Variants in ATXN1 observed in about 807,000 individuals in gnomAD.
The protein encoded by ATXN1 is ataxin 1.
Under a neutral mutation model 56.4 loss-of-function variants are expected in ATXN1, and 8 were observed. The observed-to-expected ratio is 0.14, with a 90% CI of 0.08 to 0.26. The LOEUF (loss-of-function observed/expected upper bound fraction) is 0.26. ATXN1 is among the 10% of genes least tolerant of loss of function. The probability of loss-of-function intolerance (pLI) is 1.00; values close to 1 mark genes in which losing one functional copy is unlikely to be tolerated. For missense variants in ATXN1, 987 were observed against 1,106.5 expected, an observed-to-expected ratio of 0.89 and a Z score of 1.53; for synonymous variants, 514 against 494.6, an observed-to-expected ratio of 1.04 and a Z score of -0.52.
chr6:16,747,179 C>A (rs1188445803), intron 2 of ATXN1, among the ~76,000 whole-genome samples: 2 of 152,092 alleles, frequency 1.3e-5, no homozygotes, highest in Admixed American at 6.5e-5. Flanking sequence ...TAAAAAGAAG[C>A]CTGGTTTTGA....
chr6:16,684,407 CAT>C (rs1194516796), intron 2 of ATXN1, among the ~76,000 whole-genome samples: 1 of 152,140 alleles, frequency 6.6e-6, no homozygotes, highest in African/African-American at 2.4e-5. Flanking sequence ...GCTGTTGTAA[CAT>C]AAAGATTCTC....
At chr6:16,612,020 C>T (rs969647834) in intron 3 of ATXN1, among the ~76,000 whole-genome samples, 5 of 151,656 alleles carry the variant, frequency 3.3e-5, no homozygotes, top group South Asian at 2.1e-4. Flanking sequence ...CCACCACACC[C>T]GGCTAATTTT....
rs1005766597 is a variant in ATXN1 at position 16,445,970 on chromosome 6, G to A, written c.-161+40002C>T. Among the ~76,000 whole-genome samples, 61 of 152,118 alleles carry A rather than the reference G, an allele frequency of 4.0e-4. 1 individual carries two copies. The highest frequency in any genetic ancestry group is 2.9e-4 in the Non-Finnish European group (20 of 67,988). ...CCAAGTCTTTGCTATTGTGAATAGT[G>A]CCGCCATAAACATACATGTGCATGT... On this transcript the variant is annotated intron_variant, in intron 6 of 7. Transcript: ENST00000436367.
In ATXN1 at chr6:16,471,821, A is replaced by G. The variant is rs532813476; in HGVS notation, c.-161+14151T>C. On this transcript the variant is annotated intron_variant, in intron 6 of 7. Coordinates refer to ENST00000436367, the MANE Select transcript of ATXN1 (RefSeq NM_001128164.2). ...AAGGTAGCCTATTTTTCTTTATAAG[A>G]CACTCGGAATACCTAACAGGCCTTA... is the stretch of plus-strand genomic sequence containing the variant. Among the ~76,000 whole-genome samples the G allele has an allele frequency of 1.2e-4, 19 of 152,218 alleles. No homozygotes were observed. In the South Asian group the frequency reaches 4.0e-3, roughly 32 times the overall value.
intron 5 of ATXN1, among the ~76,000 whole-genome samples, chr6:16,511,202 G>C (rs1761076017): frequency 6.6e-6 from 1 of 152,066 alleles, no homozygotes; most frequent in Non-Finnish European, 1.5e-5. Flanking sequence ...GCTTAATTTA[G>C]TTAGGGAGAG....
At chr6:16,701,267 G>C (rs1759277611) in intron 2 of ATXN1, among the ~76,000 whole-genome samples, 1 of 152,218 alleles carries the variant, frequency 6.6e-6, no homozygotes, top group Non-Finnish European at 1.5e-5. Flanking sequence ...CTAGCCCAGG[G>C]AATGGCGCTC....
chr6:16,385,344 A>G (rs1308315426), intron 6 of ATXN1, among the ~76,000 whole-genome samples: 1 of 152,222 alleles, frequency 6.6e-6, no homozygotes, highest in Non-Finnish European at 1.5e-5. Flanking sequence ...ACCAGGTTCT[A>G]CAGGCAAGGC....
chr6:16,580,372 T>C (rs1762506740), intron 4 of ATXN1, among the ~76,000 whole-genome samples: 1 of 152,242 alleles, frequency 6.6e-6, no homozygotes. Flanking sequence ...CATAGAATAC[T>C]GTCATTTTGA....
intron 2 of ATXN1, among the ~76,000 whole-genome samples, chr6:16,749,628 C>T (rs1254114858): frequency 1.3e-5 from 2 of 152,122 alleles, no homozygotes; most frequent in African/African-American, 2.4e-5. Context: ...ACTCCTCCAG[C>T]CACCCAGCCT....
In ATXN1 at chr6:16,304,422, C is replaced by T. The variant is rs962828648; in HGVS notation, c.*1907G>A. 4.0e-5 allele frequency: 6 copies of T among 150,860 alleles called. No homozygotes were observed. The highest frequency in any genetic ancestry group is 9.8e-5 in the African/African-American group (4 of 40,834). 9.3% of individuals were successfully genotyped at this position (150,860 alleles called of 1,614,324 possible). On this transcript the variant is annotated 3_prime_UTR_variant, in exon 8 of 8. Transcript: ENST00000436367. ...TGGGTTTGTACCAAACATTAAATCT[C>T]GATTTGATTTTGAATAGAAAAAAAA...
At chr6:16,742,744 CAGA>C (rs1422197640) in intron 2 of ATXN1, among the ~76,000 whole-genome samples, 1 of 152,196 alleles carries the variant, frequency 6.6e-6, no homozygotes, top group African/African-American at 2.4e-5. Context: ...CAAAAGGGCA[CAGA>C]TAAGATTAGA....
At chr6:16,645,146 C>T (rs1273077242) in intron 3 of ATXN1, among the ~76,000 whole-genome samples, 4 of 152,150 alleles carry the variant, frequency 2.6e-5, no homozygotes, top group East Asian at 1.9e-4. Flanking sequence ...AGATAATAAA[C>T]GTGGGTTCCA....
chr6:16,407,307 T>C (rs2113545450), intron 6 of ATXN1, among the ~76,000 whole-genome samples: 1 of 152,364 alleles, frequency 6.6e-6, no homozygotes, highest in East Asian at 1.9e-4. Context: ...AGGATATGCC[T>C]TTATGATTCA....
intron 6 of ATXN1, among the ~76,000 whole-genome samples, chr6:16,383,765 G>A (rs1758183123): frequency 6.6e-6 from 1 of 152,154 alleles, no homozygotes; most frequent in African/African-American, 2.4e-5. Context: ...GCACTCCTTT[G>A]GCCAATGAAG....
intron 4 of ATXN1, among the ~76,000 whole-genome samples, chr6:16,567,212 A>C (rs1162084746): frequency 6.6e-6 from 1 of 152,264 alleles, no homozygotes; most frequent in African/African-American, 2.4e-5. Flanking sequence ...CTGCCAACTG[A>C]AGATGGCAGA....
chr6:16,584,259 C>T (rs1426615345), intron 4 of ATXN1, among the ~76,000 whole-genome samples: 8 of 98,608 alleles, frequency 8.1e-5, no homozygotes, highest in African/African-American at 2.3e-4. Flanking sequence ...CACACACACA[C>T]ACACACACAC....
intron 4 of ATXN1, among the ~76,000 whole-genome samples, chr6:16,572,665 G>A (rs185781088): frequency 6.6e-6 from 1 of 152,170 alleles, no homozygotes; most frequent in Non-Finnish European, 1.5e-5. Flanking sequence ...ACAAGCCCAA[G>A]AGAAAACAAA....
At chr6:16,644,250 G>C (rs1763760591) in intron 3 of ATXN1, among the ~76,000 whole-genome samples, 1 of 152,202 alleles carries the variant, frequency 6.6e-6, no homozygotes, top group African/African-American at 2.4e-5. Flanking sequence ...TGGGCCAGGT[G>C]TGGTGGCTCA....
chr6:16,504,327 G>A (rs1397806630), intron 5 of ATXN1, among the ~76,000 whole-genome samples: 2 of 152,128 alleles, frequency 1.3e-5, no homozygotes, highest in Non-Finnish European at 2.9e-5. Context: ...CAGGGCCTGT[G>A]TGTCAAACAG....
Sources: allele counts gnomAD v4.1 joint callset (sites outside exome capture counted in the v4.1 genomes callset), GRCh38; gene constraint gnomAD v4.1.1; transcripts MANE v1.5; gene names NCBI Gene and HGNC (gene_info 2026-07-23, HGNC 2026-07-21).